The following GRIN2A variants were observed in gnomAD, a reference collection of about 807,000 sequenced individuals.
The protein encoded by GRIN2A is glutamate ionotropic receptor NMDA type subunit 2A.
Under a neutral mutation model 113.4 loss-of-function variants are expected in GRIN2A, and 22 were observed. The ratio of observed to expected loss-of-function variants is 0.19; its 90% CI spans 0.14 to 0.28. The LOEUF is 0.28. Ranked by LOEUF, GRIN2A falls within the 10% of genes least tolerant of loss-of-function variation. The pLI, the probability that GRIN2A is intolerant of heterozygous loss-of-function variation, is 1.00. For missense variants in GRIN2A, 1,502 were observed against 1,887.0 expected (o/e 0.80, Z 3.78); for synonymous variants, 827 against 738.4 (o/e 1.12, Z -1.94).
rs184018387 is a variant in GRIN2A at position 9,888,580 on chromosome 16, C to T, written c.1122+2406G>A. 5.3e-5 allele frequency among the ~76,000 whole-genome samples: 8 copies of T among 151,440 alleles called. No individual in the cohort carries two copies. In the East Asian group the frequency reaches 9.7e-4, roughly 18 times the overall value. On this transcript the variant is annotated intron_variant, in intron 4 of 12. Coordinates refer to ENST00000330684, the MANE Select transcript of GRIN2A (RefSeq NM_001134407.3). ...ATTGATCAAAAATCATTTGAATGTG[C>T]CTATGTGGATCTATTTTCATTATTT...
At chr16:10,053,822 T>C (rs1015111883) in intron 2 of GRIN2A, among the ~76,000 whole-genome samples, 1 of 152,184 alleles carries the variant, frequency 6.6e-6, no homozygotes, top group South Asian at 2.1e-4. Flanking sequence ...TAAATGGATA[T>C]ATTTGAATAT....
intron 2 of GRIN2A, among the ~76,000 whole-genome samples, chr16:10,041,894 G>A (rs1285311438): frequency 6.6e-6 from 1 of 152,040 alleles, no homozygotes; most frequent in Non-Finnish European, 1.5e-5. Flanking sequence ...TCACCCCCTG[G>A]TACTTTATTT....
At chr16:9,936,401 G>A (rs575891675) in intron 3 of GRIN2A, among the ~76,000 whole-genome samples, 1 of 152,182 alleles carries the variant, frequency 6.6e-6, no homozygotes, top group Non-Finnish European at 1.5e-5. Flanking sequence ...TGATGTGCAA[G>A]TCATACAGAA....
At chr16:9,960,919 C>T (rs1677554733) in intron 2 of GRIN2A, among the ~76,000 whole-genome samples, 1 of 152,224 alleles carries the variant, frequency 6.6e-6, no homozygotes, top group Admixed American at 6.5e-5. Context: ...AGCCACCGCA[C>T]CCAGCTGTAA....
At chr16:9,852,745 C>A (rs1490017739) in intron 4 of GRIN2A, among the ~76,000 whole-genome samples, 3 of 152,146 alleles carry the variant, frequency 2.0e-5, no homozygotes, top group Non-Finnish European at 2.9e-5. Flanking sequence ...ATCGTATATA[C>A]CAGATAAAGG....
In GRIN2A at chr16:9,769,340, G is replaced by A. The variant is rs1406272099; in HGVS notation, c.2357-251C>T. ...AGAGAATATAATATATATATAGAGAGAGAGTATAGCAAACTTATTCTCTAT... is the reference window on the plus strand; with the variant it reads ...AGAGAATATAATATATATATAGAGAAAGAGTATAGCAAACTTATTCTCTAT... On this transcript the variant is annotated intron_variant, in intron 11 of 12. Transcript: ENST00000330684. 1.6e-5 allele frequency: 3 copies of A among 186,986 alleles called. No individual in the cohort carries two copies. The South Asian group carries it at 3.6e-4, about 23-fold the overall frequency. 11.6% of individuals were successfully genotyped at this position (186,986 alleles called of 1,614,324 possible).
rs1900287463 is a variant in GRIN2A at position 9,754,713 on chromosome 16, ATAAT to A, written c.*8432_*8435del. On this transcript the variant is annotated 3_prime_UTR_variant, in exon 13 of 13. Coordinates refer to ENST00000330684, the MANE Select transcript of GRIN2A (RefSeq NM_001134407.3). ...TGAATTAGCTTGACTGAGAACAGAAATAATTAAATAAGTCTTAGATGGCTAATGT... is the reference window on the plus strand; with the variant it reads ...TGAATTAGCTTGACTGAGAACAGAAATAAATAAGTCTTAGATGGCTAATGT... The A allele has an allele frequency of 1.4e-5, 3 of 219,574 alleles. No homozygotes were observed. The highest frequency in any genetic ancestry group is 2.9e-3 in the Middle Eastern group (2 of 698). 13.6% of individuals were successfully genotyped at this position (219,574 alleles called of 1,614,324 possible).
chr16:9,809,376 G>A (rs891171835), intron 10 of GRIN2A, among the ~76,000 whole-genome samples: 1 of 152,102 alleles, frequency 6.6e-6, no homozygotes, highest in African/African-American at 2.4e-5. Context: ...GTTGCAGTGA[G>A]CCAAGATCGT....
At chr16:10,101,365 C>A (rs2048390344) in intron 2 of GRIN2A, among the ~76,000 whole-genome samples, 1 of 152,162 alleles carries the variant, frequency 6.6e-6, no homozygotes, top group Admixed American at 6.5e-5. Flanking sequence ...AACTAAAAGC[C>A]ACAACATGAA....
At chr16:9,998,300 A>G (rs2046261418) in intron 2 of GRIN2A, among the ~76,000 whole-genome samples, 1 of 152,226 alleles carries the variant, frequency 6.6e-6, no homozygotes, top group Non-Finnish European at 1.5e-5. Context: ...AGCCAGGCAT[A>G]ACACTGTATG....
Position 9,857,842 on chromosome 16 carries a change from T to A in GRIN2A, c.1123-7881A>T, listed in dbSNP as rs115796142. On this transcript the variant is annotated intron_variant, in intron 4 of 12. Coordinates refer to ENST00000330684, the MANE Select transcript of GRIN2A (RefSeq NM_001134407.3). ...TTCATGTTTTAACTTCATAAGAGCT[T>A]TTCTCGATACTAACTTTAGTTTAAT... Among the ~76,000 whole-genome samples the A allele has an allele frequency of 2.2e-3, 341 of 152,358 alleles. 1 individual carries two copies. The highest frequency in any genetic ancestry group is 7.9e-3 in the African/African-American group (327 of 41,576).
Position 9,844,234 on chromosome 16 carries a change from C to T in GRIN2A, c.1329-3130G>A, listed in dbSNP as rs183320137. Reference sequence around the variant, plus strand: ...ACCTCAGCCAGTTTATGAGTTATCTCACCCATATCCCTGAACATGAGGTAT... The same window carrying T: ...ACCTCAGCCAGTTTATGAGTTATCTTACCCATATCCCTGAACATGAGGTAT... On this transcript the variant is annotated intron_variant, in intron 5 of 12. Transcript: ENST00000330684. Among the ~76,000 whole-genome samples, 12 of 152,304 alleles carry T rather than the reference C, an allele frequency of 7.9e-5. 1 individual carries two copies. The East Asian group carries it at 2.3e-3, about 29-fold the overall frequency.
chr16:9,833,723 ATTC>A (rs1402772062), intron 8 of GRIN2A, among the ~76,000 whole-genome samples: 1 of 152,172 alleles, frequency 6.6e-6, no homozygotes, highest in East Asian at 1.9e-4. Context: ...AGTATAATGT[ATTC>A]TTTGTGTGTG....
At chr16:10,097,108 C>G (rs116638186) in intron 2 of GRIN2A, among the ~76,000 whole-genome samples, 15 of 152,154 alleles carry the variant, frequency 9.9e-5, no homozygotes, top group African/African-American at 3.6e-4. Flanking sequence ...CTACAACACT[C>G]GCTAATCTCC....
At position 9,756,011 on chromosome 16, in the gene GRIN2A, A is replaced by G. The variant is rs887024336; in HGVS notation, c.*7138T>C. ...CTGAAACTCATTCCATCTGCCTGGC[A>G]AAGATAACCAAACATAGACATGAAA... is the stretch of plus-strand genomic sequence containing the variant. On this transcript the variant is annotated 3_prime_UTR_variant, in exon 13 of 13. Transcript: ENST00000330684. 3.2e-5 allele frequency: 7 copies of G among 220,544 alleles called. No individual in the cohort carries two copies. Among genetic ancestry groups the G allele is most frequent in the African/African-American group, 1.3e-4 (6 of 44,628 alleles). 13.7% of individuals were successfully genotyped at this position (220,544 alleles called of 1,614,324 possible).
chr16:9,958,231 T>G (rs960603709), intron 2 of GRIN2A, among the ~76,000 whole-genome samples: 4 of 152,232 alleles, frequency 2.6e-5, no homozygotes, highest in Non-Finnish European at 5.9e-5. Context: ...GTTATCATAA[T>G]TGCCATTAAT....
At chr16:10,040,876 C>T (rs572166344) in intron 2 of GRIN2A, among the ~76,000 whole-genome samples, 3 of 152,218 alleles carry the variant, frequency 2.0e-5, no homozygotes, top group Non-Finnish European at 2.9e-5. Flanking sequence ...GATGAGCCGT[C>T]GTATCTATGC....
At chr16:10,028,074 G>A (rs2046855611) in intron 2 of GRIN2A, among the ~76,000 whole-genome samples, 1 of 152,188 alleles carries the variant, frequency 6.6e-6, no homozygotes, top group Non-Finnish European at 1.5e-5. Context: ...CACTGAAAAT[G>A]CCGACATCAT....
At chr16:10,104,760 T>G (rs1184160381) in intron 2 of GRIN2A, among the ~76,000 whole-genome samples, 2 of 152,126 alleles carry the variant, frequency 1.3e-5, no homozygotes, top group Non-Finnish European at 2.9e-5. Context: ...AACAATCCCT[T>G]GGCTCCCATG....
Sources: gnomAD v4.1 joint callset for allele counts (sites outside exome capture counted in the v4.1 genomes callset) on GRCh38, gnomAD v4.1.1 for gene constraint, MANE v1.5 for transcripts, NCBI Gene and HGNC (gene_info 2026-07-23, HGNC 2026-07-21) for gene names.